Variants in POC1B observed in about 807,000 individuals in gnomAD.
POC1B encodes the protein POC1 centriolar protein B.
In POC1B, 44 loss-of-function variants were observed where a neutral mutation model predicts 60.6. The observed-to-expected ratio is 0.73, with a 90% CI of 0.57 to 0.93. The LOEUF is 0.93. Among genes scored for constraint, POC1B ranks in the 40% least tolerant of loss-of-function variants. The pLI, the probability that POC1B is intolerant of heterozygous loss-of-function variation, is 0.00. For missense variants in POC1B, 555 were observed against 572.3 expected (o/e 0.97, Z 0.31); for synonymous variants, 180 against 198.9 (o/e 0.90, Z 0.80).
chr12:89,500,260 A>C, intron 2 of POC1B: 1 of 1,556,622 alleles, frequency 6.4e-7, no homozygotes, highest in Non-Finnish European at 8.8e-7. Context: ...CAAATTCTAC[A>C]AAATCAGTGC....
intron 9 of POC1B, 23 bp from the exon 10 acceptor site, chr12:89,459,741 AT>A: frequency 7.5e-7 from 1 of 1,331,522 alleles, no homozygotes. Flanking sequence ...ATAAAAAAAA[AT>A]TATGAGATTT....
chr12:89,442,554 T>G (rs922743287), intron 10 of POC1B, among the ~76,000 whole-genome samples: 2 of 152,194 alleles, frequency 1.3e-5, no homozygotes, highest in African/African-American at 4.8e-5. Context: ...CAAGCAATGC[T>G]GAGGGATTTT....
rs1869013503 is a variant in POC1B, at chr12:89,492,127, C to G, written c.273-12G>C. ...AGAATTTTCCTCTCCTGGAAATAAACAGTTTAATATTTATAACTCATTTGA... is the reference window on the plus strand; with the variant it reads ...AGAATTTTCCTCTCCTGGAAATAAAGAGTTTAATATTTATAACTCATTTGA... On this transcript the variant is annotated splice_polypyrimidine_tract_variant and intron_variant, in intron 3 of 11. Transcript: ENST00000313546. The G allele has an allele frequency of 6.5e-7, 1 of 1,527,878 alleles. No individual in the cohort carries two copies. The highest frequency in any genetic ancestry group is 1.3e-5 in the South Asian group (1 of 77,624). The allele number at this position is 1,527,878 out of a possible 1,614,324, so 94.6% of individuals were successfully genotyped here.
chr12:89,470,616 A>G, intron 6 of POC1B, 122 bp from the exon 7 acceptor site: 2 of 692,420 alleles, frequency 2.9e-6, no homozygotes, highest in Non-Finnish European at 4.2e-6. Context: ...ACAAAACTCT[A>G]TATGGCTCAC....
At chr12:89,455,222 C>T (rs999375093) in intron 10 of POC1B, among the ~76,000 whole-genome samples, 4 of 152,106 alleles carry the variant, frequency 2.6e-5, no homozygotes, top group Admixed American at 1.3e-4. Flanking sequence ...GTAATCCGAG[C>T]TACTCAGGAA....
At chr12:89,476,591 CCAGCTACTTGGGAGGCTAAGG>C (rs2135723311) in intron 4 of POC1B, among the ~76,000 whole-genome samples, 1 of 152,130 alleles carries the variant, frequency 6.6e-6, no homozygotes, top group Admixed American at 6.6e-5. Context: ...GCCTGTAATC[CCAGCTACTTGGGAGGCTAAGG>C]CAAGAGAATC....
chr12:89,469,410 A>T (rs992436204), intron 7 of POC1B, among the ~76,000 whole-genome samples: 9 of 152,234 alleles, frequency 5.9e-5, no homozygotes, highest in Non-Finnish European at 1.2e-4. Context: ...GAATCGAAAT[A>T]TCACCTTTCT....
intron 10 of POC1B, among the ~76,000 whole-genome samples, chr12:89,447,705 T>A (rs1881845235): frequency 6.6e-6 from 1 of 152,154 alleles, no homozygotes. Flanking sequence ...TGATGCTAGA[T>A]GTCATTTAAA....
chr12:89,477,894 C>T (rs1204451044), intron 4 of POC1B, among the ~76,000 whole-genome samples: 1 of 152,130 alleles, frequency 6.6e-6, no homozygotes, highest in Non-Finnish European at 1.5e-5. Flanking sequence ...TGCTCTTGCT[C>T]AGATGCTTCC....
At chr12:89,507,011 C>T (rs935829135) in intron 2 of POC1B, among the ~76,000 whole-genome samples, 1 of 152,054 alleles carries the variant, frequency 6.6e-6, no homozygotes, top group African/African-American at 2.4e-5. Flanking sequence ...GGAGTTAATA[C>T]ATATTATATA....
At chr12:89,405,013 C>A in the POC1B span, among the ~76,000 whole-genome samples, 1 of 152,148 alleles carries the variant, frequency 6.6e-6, no homozygotes. Context: ...CTGTGCTCTG[C>A]CTCCTCCAGC....
chr12:89,495,686 G>A (rs777792192), intron 3 of POC1B, among the ~76,000 whole-genome samples: 5 of 152,180 alleles, frequency 3.3e-5, no homozygotes, highest in Admixed American at 1.3e-4. Flanking sequence ...GGACCAGGGA[G>A]TCAGGGGGAA....
At chr12:89,499,327 C>T (rs756575350) in intron 2 of POC1B, among the ~76,000 whole-genome samples, 2 of 152,062 alleles carry the variant, frequency 1.3e-5, no homozygotes, top group Non-Finnish European at 2.9e-5. Context: ...AAGATGGCAA[C>T]AATAGCCACT....
At chr12:89,502,823 G>A (rs567524621) in intron 2 of POC1B, among the ~76,000 whole-genome samples, 5 of 152,062 alleles carry the variant, frequency 3.3e-5, no homozygotes, top group Admixed American at 2.6e-4. Context: ...TACTTTACAC[G>A]AAATACCTTA....
At chr12:89,523,073 C>A in intron 2 of POC1B, 1 of 1,613,812 alleles carries the variant, frequency 6.2e-7, no homozygotes, top group Non-Finnish European at 8.5e-7. Flanking sequence ...AACCTTATTT[C>A]TTTGTTTGAA....
chr12:89,466,273 G>A (rs1314101231), intron 9 of POC1B, among the ~76,000 whole-genome samples: 2 of 152,170 alleles, frequency 1.3e-5, no homozygotes, highest in Admixed American at 6.5e-5. Context: ...AAAACCTACA[G>A]CTAAATAGAT....
intron 1 of POC1B, chr12:89,525,583 C>T: frequency 7.8e-7 from 1 of 1,280,100 alleles, no homozygotes; most frequent in Non-Finnish European, 9.8e-7. Context: ...CTAGGTGATT[C>T]TGACGCAGGC....
At chr12:89,433,350 C>T (rs1007675026) in intron 10 of POC1B, among the ~76,000 whole-genome samples, 6 of 152,008 alleles carry the variant, frequency 3.9e-5, no homozygotes, top group East Asian at 1.9e-4. Flanking sequence ...GATAACTACT[C>T]GATAAATGGG....
intron 2 of POC1B, among the ~76,000 whole-genome samples, chr12:89,508,532 G>A (rs1368336401): frequency 6.6e-6 from 1 of 152,186 alleles, no homozygotes. Context: ...TGTCCTAATA[G>A]TGTTGATGTT....
Sources: allele counts gnomAD v4.1 joint callset (sites outside exome capture counted in the v4.1 genomes callset), GRCh38; gene constraint gnomAD v4.1.1; transcripts MANE v1.5; gene names NCBI Gene and HGNC (gene_info 2026-07-23, HGNC 2026-07-21).